Variants in ZNF641 observed in about 807,000 individuals in gnomAD.
ZNF641 encodes zinc finger protein 641.
In ZNF641, 26 loss-of-function variants were observed where a neutral mutation model predicts 46.2. The observed-to-expected ratio is 0.56, with a 90% CI of 0.41 to 0.78. The LOEUF (loss-of-function observed/expected upper bound fraction) is 0.78, where lower values mean the gene tolerates loss of function less well. Among genes scored for constraint, ZNF641 ranks in the 30% least tolerant of loss-of-function variants. ZNF641 has a pLI of 0.00. For missense variants in ZNF641, 469 were observed against 517.8 expected, an observed-to-expected ratio of 0.91 and a Z score of 0.91; for synonymous variants, 163 against 187.9, an observed-to-expected ratio of 0.87 and a Z score of 1.09.
At chr12:48,335,947 G>A (rs1043180318), downstream of ZNF641, among the ~76,000 whole-genome samples, 4 of 152,178 alleles carry the variant, frequency 2.6e-5, no homozygotes, top group Non-Finnish European at 4.4e-5. Context: ...ACTGCTTAGT[G>A]TAATGCTGAT....
rs1952739740 is a variant in ZNF641 at position 48,342,361 on chromosome 12, T to TA, written c.*611dup. 9.1e-6 allele frequency: 9 copies of TA among 985,516 alleles called. No individual in the cohort carries two copies. The highest frequency in any genetic ancestry group is 1.7e-5 in the African/African-American group (1 of 57,174). 61.0% of individuals were successfully genotyped at this position (985,516 alleles called of 1,614,324 possible). ...CTGGCCCCCCTGGCTTTCATATGGA[T>TA]AAAAAAGGGGGCTCTGGATGCCTGA... On this transcript the variant is annotated 3_prime_UTR_variant, in exon 6 of 6. Transcript: ENST00000547026.
downstream of ZNF641, among the ~76,000 whole-genome samples, chr12:48,335,523 C>T (rs753584493): frequency 6.6e-5 from 10 of 152,162 alleles, no homozygotes; most frequent in Non-Finnish European, 1.3e-4. Context: ...ATTAAGTGCC[C>T]ACCATATGCA....
intron 2 of ZNF641, 29 bp from the exon 3 acceptor site, chr12:48,347,372 G>C: frequency 6.3e-7 from 1 of 1,577,570 alleles, no homozygotes; most frequent in Non-Finnish European, 8.6e-7. Context: ...AAACATTAGA[G>C]AATAACGATC....
rs1952638966 is a variant in ZNF641 at position 48,338,103 on chromosome 12, T to C, written c.*4870A>G. Reference sequence around the variant, plus strand: ...CCAAGAATTTGGAGGATGAGAGTGGTAAGTATGAATTGACCCCTGCTTAGT... The same window carrying C: ...CCAAGAATTTGGAGGATGAGAGTGGCAAGTATGAATTGACCCCTGCTTAGT... On this transcript the variant is annotated 3_prime_UTR_variant, in exon 6 of 6. Coordinates refer to ENST00000547026, the MANE Select transcript of ZNF641 (RefSeq NM_001172681.2). 1 of 152,302 alleles carries C rather than the reference T, an allele frequency of 6.6e-6. No homozygotes were observed. The highest frequency in any genetic ancestry group is 2.1e-4 in the South Asian group (1 of 4,818). The allele number at this position is 152,302 out of a possible 1,614,324, so 9.4% of individuals were successfully genotyped here.
At chr12:48,347,072 A>T in intron 3 of ZNF641, 180 bp downstream of exon 3, 1 of 1,110,544 alleles carries the variant, frequency 9.0e-7, no homozygotes, top group Non-Finnish European at 1.2e-6. Flanking sequence ...CCTTTCTTGT[A>T]GGTCCATTTA....
At chr12:48,344,748 G>T in intron 4 of ZNF641, 36 bp from the exon 5 acceptor site, 2 of 1,212,012 alleles carry the variant, frequency 1.7e-6, no homozygotes, top group Non-Finnish European at 2.4e-6. Flanking sequence ...CTGTCAATTA[G>T]TTCAACAGCA....
Position 48,337,667 on chromosome 12 carries a change from C to T in ZNF641, c.*5306G>A, listed in dbSNP as rs368061553. The T allele has an allele frequency of 8.1e-6, 1 of 122,752 alleles. No homozygotes were observed. The highest frequency in any genetic ancestry group is 1.7e-5 in the Non-Finnish European group (1 of 59,384). The allele number at this position is 122,752 out of a possible 1,614,324, so 7.6% of individuals were successfully genotyped here. A position where few individuals can be genotyped will look rare whatever the true frequency, so the allele number is the denominator to read the frequency against. ...AACCCCGTCTCTACTAAAAAAAATA[C>T]AAAAAAAAAAAAAAAAATAGGCGTG... On this transcript the variant is annotated 3_prime_UTR_variant, in exon 6 of 6. Coordinates refer to ENST00000547026, the MANE Select transcript of ZNF641 (RefSeq NM_001172681.2).
chr12:48,344,355 T>A, intron 5 of ZNF641: 1 of 317,302 alleles, frequency 3.2e-6, no homozygotes, highest in Non-Finnish European at 5.8e-6. Flanking sequence ...TCACAATAAT[T>A]TACAGATGAA....
rs1952678025 is a variant in ZNF641, at chr12:48,339,794, T to C, written c.*3179A>G. On this transcript the variant is annotated 3_prime_UTR_variant, in exon 6 of 6. Transcript: ENST00000547026. ...TCTTTGGTTCTCTGAAGCCATAACA[T>C]TACTTTGACAAGGGAAAAGTTTTTC... The C allele has an allele frequency of 2.7e-6, 1 of 367,408 alleles. No homozygotes were observed. Among genetic ancestry groups the C allele is most frequent in the Non-Finnish European group, 3.8e-6 (1 of 264,776 alleles). 22.8% of individuals were successfully genotyped at this position (367,408 alleles called of 1,614,324 possible). A position where few individuals can be genotyped will look rare whatever the true frequency, so the allele number is the denominator to read the frequency against.
At chr12:48,336,422 A>C (rs1447634338), downstream of ZNF641, among the ~76,000 whole-genome samples, 1 of 152,244 alleles carries the variant, frequency 6.6e-6, no homozygotes, top group African/African-American at 2.4e-5. Context: ...CAAGGGCAAC[A>C]AAACAATCTG....
chr12:48,348,621 C>T (rs767821433), intron 1 of ZNF641, among the ~76,000 whole-genome samples: 5 of 152,304 alleles, frequency 3.3e-5, no homozygotes, highest in East Asian at 1.9e-4. Flanking sequence ...AACCAAGGGG[C>T]GTATTTGTAT....
chr12:48,343,441 T>C lies in ZNF641; in HGVS notation c.807A>G (p.Gln269=). 6.2e-7 allele frequency: 1 copy of C among 1,614,132 alleles called. No individual in the cohort carries two copies. Among genetic ancestry groups the C allele is most frequent in the Non-Finnish European group, 8.5e-7 (1 of 1,179,958 alleles). Reference sequence around the variant, plus strand: ...AGGGTCTCTCCCCAGTGTGTGTTTGTTGATGCCTGGCAAGGTGGGAACCCC... The same window carrying C: ...AGGGTCTCTCCCCAGTGTGTGTTTGCTGATGCCTGGCAAGGTGGGAACCCC... ...FVWGSHLARH[Q]QTHTGERPYS... is the part of the protein sequence containing the mutation. The change falls in exon 6 of 6, where the codon CAA becomes CAG. Residue 269 remains glutamine, a synonymous_variant. Transcript: ENST00000547026.
rs745409133 is a variant in ZNF641, at chr12:48,343,505, C to G, written c.743G>C (p.Arg248Thr). ...LCSTEMDSLL[R>T]PHTCPQCGKQ... The stretch of plus-strand genomic sequence containing the variant: ...CCCACACTGGGGGCATGTGTGGGGT[C>G]TTAACAGGGAATCCATCTCTGTGCT... The change falls in exon 6 of 6, where the codon AGA (arginine) becomes ACA (threonine). Residue 248 changes from arginine (R) to threonine (T), a missense_variant. Transcript: ENST00000547026. 3.7e-6 allele frequency: 6 copies of G among 1,613,292 alleles called. No individual in the cohort carries two copies. Among genetic ancestry groups the G allele is most frequent in the Non-Finnish European group, 5.1e-6 (6 of 1,179,374 alleles).
At chr12:48,345,673 G>A (rs1234232752) in intron 3 of ZNF641, among the ~76,000 whole-genome samples, 199 bp from the exon 4 acceptor site, 1 of 152,208 alleles carries the variant, frequency 6.6e-6, no homozygotes, top group Non-Finnish European at 1.5e-5. Context: ...CAAGGAGTGA[G>A]TGAGTGTAAT....
chr12:48,343,797 A>G, intron 5 of ZNF641, 70 bp from the exon 6 acceptor site: 2 of 1,402,754 alleles, frequency 1.4e-6, no homozygotes, highest in Non-Finnish European at 1.9e-6. Context: ...TAAGTCACAA[A>G]TGAGGTTGTC....
At chr12:48,345,290 T>A in intron 4 of ZNF641, 55 bp downstream of exon 4, 1 of 1,599,896 alleles carries the variant, frequency 6.3e-7, no homozygotes, top group Non-Finnish European at 8.5e-7. Context: ...CTGAAGCAGA[T>A]GGCTCCGTCC....
At position 48,342,064 on chromosome 12, in the gene ZNF641, C is replaced by A. The variant is rs1204767552; in HGVS notation, c.*909G>T. 1 of 985,310 alleles carries A rather than the reference C, an allele frequency of 1.0e-6. No homozygotes were observed. Among genetic ancestry groups the A allele is most frequent in the African/African-American group, 1.7e-5 (1 of 57,226 alleles). The allele number at this position is 985,310 out of a possible 1,614,324, so 61.0% of individuals were successfully genotyped here. A position where few individuals can be genotyped will look rare whatever the true frequency, so the allele number is the denominator to read the frequency against. ...AAGACCCTGCACACAAATACACAGA[C>A]ACATAAAGACAGTCAAGAGGAGAGA... On this transcript the variant is annotated 3_prime_UTR_variant, in exon 6 of 6. Coordinates refer to ENST00000547026, the MANE Select transcript of ZNF641 (RefSeq NM_001172681.2).
In ZNF641 at chr12:48,342,156, G is replaced by C; in HGVS notation, c.*817C>G. ...TTTTCTGTGTGGGCCAGGGCTATTT[G>C]GGGGTATTAGATCATCTCTTAGCCT... On this transcript the variant is annotated 3_prime_UTR_variant, in exon 6 of 6. Coordinates refer to ENST00000547026, the MANE Select transcript of ZNF641 (RefSeq NM_001172681.2). 3.2e-5 allele frequency: 32 copies of C among 985,474 alleles called. No individual in the cohort carries two copies. Among genetic ancestry groups the C allele is most frequent in the Non-Finnish European group, 3.9e-5 (32 of 829,994 alleles). The allele number at this position is 985,474 out of a possible 1,614,324, so 61.0% of individuals were successfully genotyped here.
downstream of ZNF641, among the ~76,000 whole-genome samples, chr12:48,335,209 C>T (rs190233330): frequency 1.2e-4 from 18 of 152,312 alleles, no homozygotes; most frequent in African/African-American, 3.1e-4. Context: ...ACTTTTGAGT[C>T]CCCTCTTGCT....
Sources: allele counts gnomAD v4.1 joint callset (sites outside exome capture counted in the v4.1 genomes callset), GRCh38; gene constraint gnomAD v4.1.1; transcripts MANE v1.5; gene names NCBI Gene and HGNC (gene_info 2026-07-23, HGNC 2026-07-21).